Variants in SLC24A2 observed in about 807,000 individuals in gnomAD.
SLC24A2 encodes the protein solute carrier family 24 member 2.
SLC24A2 carries 36 observed loss-of-function variants against 62.0 expected under a neutral mutation model. The observed-to-expected ratio is 0.58, with a 90% confidence interval of 0.44 to 0.77. The LOEUF (loss-of-function observed/expected upper bound fraction) is 0.77. SLC24A2 is among the 30% of genes least tolerant of loss of function. SLC24A2 has a pLI of 0.00. For missense variants in SLC24A2, 846 were observed against 817.9 expected, an observed-to-expected ratio of 1.03 and a Z score of -0.42; for synonymous variants, 358 against 294.0, an observed-to-expected ratio of 1.22 and a Z score of -2.23.
At chr9:20,033,614 G>A in the SLC24A2 span, among the ~76,000 whole-genome samples, 1 of 152,150 alleles carries the variant, frequency 6.6e-6, no homozygotes, top group South Asian at 2.1e-4. Flanking sequence ...TCAAGGTTAC[G>A]ATGATATGCC....
intron 2 of SLC24A2, among the ~76,000 whole-genome samples, chr9:19,700,920 A>C (rs373691850): frequency 2.0e-5 from 3 of 152,142 alleles, no homozygotes; most frequent in Non-Finnish European, 4.4e-5. Flanking sequence ...ACATTTCAAG[A>C]CTCCAAAGGT....
chr9:20,268,245 C>G, the SLC24A2 span, among the ~76,000 whole-genome samples: 3 of 152,166 alleles, frequency 2.0e-5, no homozygotes, highest in Non-Finnish European at 2.9e-5. Flanking sequence ...AGGGCGCTCC[C>G]TCACAGCCAA....
chr9:19,610,369 G>C (rs1004156166), intron 4 of SLC24A2, among the ~76,000 whole-genome samples: 4 of 152,128 alleles, frequency 2.6e-5, no homozygotes, highest in African/African-American at 9.7e-5. Context: ...GGAATGAATG[G>C]TTAAAACAAT....
At chr9:19,518,303 G>T (rs1305729543) in intron 10 of SLC24A2, among the ~76,000 whole-genome samples, 4 of 152,044 alleles carry the variant, frequency 2.6e-5, no homozygotes, top group African/African-American at 9.7e-5. Context: ...GATGAAAGAT[G>T]CATACATACA....
At chr9:19,614,248 C>G (rs1188968484) in intron 4 of SLC24A2, among the ~76,000 whole-genome samples, 1 of 152,102 alleles carries the variant, frequency 6.6e-6, no homozygotes, top group African/African-American at 2.4e-5. Context: ...ATTCTAGTTC[C>G]CCAAGGTTTT....
At chr9:19,665,017 G>T (rs1057067739) in intron 2 of SLC24A2, among the ~76,000 whole-genome samples, 1 of 152,166 alleles carries the variant, frequency 6.6e-6, no homozygotes, top group Non-Finnish European at 1.5e-5. Flanking sequence ...CACCAGGTTT[G>T]CTGATTCTAA....
At chr9:20,213,658 T>C in the SLC24A2 span, among the ~76,000 whole-genome samples, 4 of 152,214 alleles carry the variant, frequency 2.6e-5, no homozygotes, top group South Asian at 2.1e-4. Context: ...TAATACTCTG[T>C]ACAATTTTGT....
the SLC24A2 span, among the ~76,000 whole-genome samples, chr9:19,965,259 G>A: frequency 6.6e-6 from 1 of 152,066 alleles, no homozygotes; most frequent in Non-Finnish European, 1.5e-5. Context: ...CCGCAGCACT[G>A]GCCAATCAGA....
chr9:19,990,922 G>GATATATATACATATATATATATATATAT, the SLC24A2 span, among the ~76,000 whole-genome samples: 1 of 120,812 alleles, frequency 8.3e-6, no homozygotes, highest in African/African-American at 3.6e-5. Context: ...GGACTAATAG[G>GATATATATACATATATATATATATATAT]ATATATATAT....
chr9:19,692,106 A>G (rs1820061787), intron 2 of SLC24A2, among the ~76,000 whole-genome samples: 1 of 152,180 alleles, frequency 6.6e-6, no homozygotes. Flanking sequence ...TATCTGTAAA[A>G]GCAGTAGATA....
At chr9:19,999,972 G>C in the SLC24A2 span, among the ~76,000 whole-genome samples, 1 of 152,222 alleles carries the variant, frequency 6.6e-6, no homozygotes. Flanking sequence ...TCAAGACAGT[G>C]TGGAGAGGTT....
chr9:19,819,142 C>T, the SLC24A2 span, among the ~76,000 whole-genome samples: 1 of 152,052 alleles, frequency 6.6e-6, no homozygotes, highest in Non-Finnish European at 1.5e-5. Flanking sequence ...AATTGGCTAG[C>T]CACATGTAGG....
chr9:19,885,349 G>A, the SLC24A2 span, among the ~76,000 whole-genome samples: 2 of 152,178 alleles, frequency 1.3e-5, no homozygotes, highest in Non-Finnish European at 2.9e-5. Context: ...AGGGGCCTGA[G>A]TAGAGAGAAA....
the SLC24A2 span, among the ~76,000 whole-genome samples, chr9:20,019,251 A>AAGAGAAAGAAAG: frequency 0.027 from 2,086 of 75,998 alleles, 52 homozygotes; most frequent in Middle Eastern, 0.078. Context: ...GAAAGAAGGA[A>AAGAGAAAGAAAG]AGAGAAAGAA....
At chr9:20,015,429 T>C in the SLC24A2 span, among the ~76,000 whole-genome samples, 1 of 152,188 alleles carries the variant, frequency 6.6e-6, no homozygotes, top group South Asian at 2.1e-4. Flanking sequence ...AGCTGTGAGC[T>C]GGATTGTTGA....
chr9:20,273,844 G>A, the SLC24A2 span, among the ~76,000 whole-genome samples: 2 of 152,228 alleles, frequency 1.3e-5, no homozygotes, highest in African/African-American at 2.4e-5. Context: ...TCAAACCTAA[G>A]CATAAAAAGG....
the SLC24A2 span, among the ~76,000 whole-genome samples, chr9:20,121,877 T>C: frequency 6.6e-6 from 1 of 152,348 alleles, no homozygotes; most frequent in Non-Finnish European, 1.5e-5. Flanking sequence ...CTTTTAATTA[T>C]ATTACTTTCA....
the SLC24A2 span, among the ~76,000 whole-genome samples, chr9:20,010,237 T>C: frequency 6.6e-6 from 1 of 152,078 alleles, no homozygotes; most frequent in Non-Finnish European, 1.5e-5. Context: ...CAGGCTAGAC[T>C]AAATAATAAA....
intron 2 of SLC24A2, among the ~76,000 whole-genome samples, chr9:19,657,372 C>T (rs1818971399): frequency 6.6e-6 from 1 of 151,916 alleles, no homozygotes; most frequent in African/African-American, 2.4e-5. Flanking sequence ...TTCTTTTTTT[C>T]ATGTTTTTAT....
Sources: gnomAD v4.1 joint callset for allele counts (sites outside exome capture counted in the v4.1 genomes callset) on GRCh38, gnomAD v4.1.1 for gene constraint, MANE v1.5 for transcripts, NCBI Gene and HGNC (gene_info 2026-07-23, HGNC 2026-07-21) for gene names.